The following MARCHF1 variants were observed in gnomAD, a reference collection of about 807,000 sequenced individuals.
The protein encoded by MARCHF1 is membrane associated ring-CH-type finger 1.
MARCHF1 carries 40 observed loss-of-function variants against 54.2 expected under a neutral mutation model. The observed-to-expected ratio is 0.74, with a 90% CI of 0.57 to 0.96. The LOEUF (loss-of-function observed/expected upper bound fraction) is 0.96, where lower values mean the gene tolerates loss of function less well. MARCHF1 is among the 40% of genes least tolerant of loss of function. The probability of loss-of-function intolerance (pLI) is 0.00; values close to 1 mark genes in which losing one functional copy is unlikely to be tolerated. For missense variants in MARCHF1, 586 were observed against 656.5 expected, an observed-to-expected ratio of 0.89 and a Z score of 1.17; for synonymous variants, 236 against 236.3, an observed-to-expected ratio of 1.00 and a Z score of 0.01.
intron 3 of MARCHF1, among the ~76,000 whole-genome samples, chr4:163,987,154 G>T (rs973039948): frequency 6.6e-6 from 1 of 152,110 alleles, no homozygotes; most frequent in Admixed American, 6.5e-5. Flanking sequence ...TCTAATAATC[G>T]CATTTCCAAG....
intron 1 of MARCHF1, among the ~76,000 whole-genome samples, chr4:164,310,300 T>C (rs1382219630): frequency 6.6e-6 from 1 of 151,924 alleles, no homozygotes; most frequent in Non-Finnish European, 1.5e-5. Flanking sequence ...ATGGTCTTGA[T>C]CTCTTGACCT....
intron 4 of MARCHF1, among the ~76,000 whole-genome samples, chr4:163,788,694 T>C (rs1489777428): frequency 2.0e-5 from 3 of 152,038 alleles, no homozygotes; most frequent in Non-Finnish European, 4.4e-5. Context: ...AGGTACATGC[T>C]ATCAATAAGC....
chr4:163,533,242 G>T (rs1412494416), intron 9 of MARCHF1, among the ~76,000 whole-genome samples: 1 of 151,832 alleles, frequency 6.6e-6, no homozygotes, highest in Non-Finnish European at 1.5e-5. Context: ...AAATAAAAGA[G>T]GTCAGTCTGA....
chr4:164,241,767 C>G (rs1055608236), intron 1 of MARCHF1, among the ~76,000 whole-genome samples: 1 of 152,116 alleles, frequency 6.6e-6, no homozygotes, highest in South Asian at 2.1e-4. Flanking sequence ...TCAGTGGGTG[C>G]GCGCACAGTG....
intron 7 of MARCHF1, 54 bp downstream of exon 7, chr4:163,612,217 C>T: frequency 7.1e-7 from 1 of 1,401,668 alleles, no homozygotes; most frequent in Non-Finnish European, 9.3e-7. Flanking sequence ...ACCTAACTCA[C>T]TGCAAAAAGA....
intron 3 of MARCHF1, among the ~76,000 whole-genome samples, chr4:163,909,315 T>C (rs1310022347): frequency 2.0e-5 from 3 of 152,330 alleles, no homozygotes; most frequent in Admixed American, 2.0e-4. Context: ...AGGATTCCGA[T>C]TTCAGAAGCT....
chr4:164,219,992 A>G (rs1732045487), intron 1 of MARCHF1, among the ~76,000 whole-genome samples: 1 of 151,866 alleles, frequency 6.6e-6, no homozygotes, highest in Non-Finnish European at 1.5e-5. Context: ...TTATAGTTTT[A>G]TTGCCTTGTA....
intron 2 of MARCHF1, among the ~76,000 whole-genome samples, chr4:164,079,678 G>C (rs1755054846): frequency 6.6e-6 from 1 of 151,960 alleles, no homozygotes; most frequent in African/African-American, 2.4e-5. Context: ...TTCTTAAAAT[G>C]ATTTGTGTAA....
chr4:163,700,445 C>A (rs1332845929), intron 5 of MARCHF1, among the ~76,000 whole-genome samples: 1 of 151,546 alleles, frequency 6.6e-6, no homozygotes, highest in Non-Finnish European at 1.5e-5. Flanking sequence ...GCGGAGGTTG[C>A]AGTGAGCCAA....
At chr4:164,172,808 T>C (rs1438394641) in intron 1 of MARCHF1, among the ~76,000 whole-genome samples, 4 of 152,076 alleles carry the variant, frequency 2.6e-5, no homozygotes, top group African/African-American at 9.7e-5. Flanking sequence ...AAACCCCGTC[T>C]GTACTAAAAA....
At chr4:163,578,728 G>A (rs1740119004) in intron 8 of MARCHF1, among the ~76,000 whole-genome samples, 1 of 152,144 alleles carries the variant, frequency 6.6e-6, no homozygotes, top group Admixed American at 6.5e-5. Context: ...TGAATTGCCT[G>A]TACCATTTCC....
chr4:164,094,729 T>C (rs890384076), intron 2 of MARCHF1, among the ~76,000 whole-genome samples: 1 of 152,150 alleles, frequency 6.6e-6, no homozygotes, highest in Admixed American at 6.6e-5. Context: ...GAAACATGAC[T>C]AGGTGTTGTT....
intron 4 of MARCHF1, among the ~76,000 whole-genome samples, chr4:163,785,566 G>T (rs759974307): frequency 6.6e-6 from 1 of 151,866 alleles, no homozygotes; most frequent in Admixed American, 6.6e-5. Context: ...CACAGTGTGG[G>T]GATATGTAGG....
chr4:163,622,973 G>GGA (rs903866308), intron 5 of MARCHF1, among the ~76,000 whole-genome samples: 2 of 152,106 alleles, frequency 1.3e-5, no homozygotes, highest in South Asian at 2.1e-4. Flanking sequence ...GGTATGCAGA[G>GGA]GACAAGCTCA....
intron 1 of MARCHF1, among the ~76,000 whole-genome samples, chr4:164,162,855 AAAAC>A (rs1274390168): frequency 2.0e-5 from 3 of 152,164 alleles, no homozygotes; most frequent in Non-Finnish European, 4.4e-5. Flanking sequence ...GACGTATATG[AAAAC>A]AAATATGATT....
At position 163,883,115 on chromosome 4, in the gene MARCHF1, A is replaced by C. The variant is rs1750451972; in HGVS notation, c.-38-28946T>G. Among the ~76,000 whole-genome samples, 4 of 152,296 alleles carry C rather than the reference A, an allele frequency of 2.6e-5. No homozygotes were observed. In the South Asian group the frequency reaches 8.3e-4, roughly 32 times the overall value. On this transcript the variant is annotated intron_variant, in intron 3 of 9. Transcript: ENST00000514618. Reference sequence around the variant, plus strand: ...ATACTGTGGCTTATGTCTCAGATGCACGGGAGTTGCTCCCTTTGTTAACAT... The same window carrying C: ...ATACTGTGGCTTATGTCTCAGATGCCCGGGAGTTGCTCCCTTTGTTAACAT...
At chr4:164,064,845 T>G (rs1304077575) in intron 2 of MARCHF1, among the ~76,000 whole-genome samples, 1 of 152,138 alleles carries the variant, frequency 6.6e-6, no homozygotes, top group African/African-American at 2.4e-5. Flanking sequence ...TTATTGAGAG[T>G]TTTTAACATA....
At chr4:163,795,860 CAT>C (rs1747899309) in intron 4 of MARCHF1, among the ~76,000 whole-genome samples, 1 of 152,174 alleles carries the variant, frequency 6.6e-6, no homozygotes, top group African/African-American at 2.4e-5. Context: ...TTACAAATAA[CAT>C]AAACAGTTGA....
intron 1 of MARCHF1, among the ~76,000 whole-genome samples, chr4:164,114,866 C>T (rs1050500815): frequency 2.7e-5 from 4 of 150,500 alleles, no homozygotes; most frequent in East Asian, 1.9e-4. Flanking sequence ...TAGTACAAAT[C>T]GTCACTGATG....
Sources: gnomAD v4.1 joint callset for allele counts (sites outside exome capture counted in the v4.1 genomes callset) on GRCh38, gnomAD v4.1.1 for gene constraint, MANE v1.5 for transcripts, NCBI Gene and HGNC (gene_info 2026-07-23, HGNC 2026-07-21) for gene names.